Variants in CCDC186 observed in about 807,000 individuals in gnomAD.
The protein encoded by CCDC186 is coiled-coil domain containing 186.
CCDC186 carries 49 observed loss-of-function variants against 113.7 expected under a neutral mutation model. The ratio of observed to expected loss-of-function variants is 0.43; its 90% CI spans 0.34 to 0.55. The LOEUF (loss-of-function observed/expected upper bound fraction) is 0.55, where lower values mean the gene tolerates loss of function less well. Among genes scored for constraint, CCDC186 ranks in the 20% least tolerant of loss-of-function variants. CCDC186 has a pLI of 0.02. For synonymous variants in CCDC186, 355 were observed against 345.8 expected (o/e 1.03, Z -0.30); for missense variants, 890 against 1,011.1 (o/e 0.88, Z 1.62).
At chr10:114,129,146 CAAAACAAAAACATA>C (rs2031005365) in intron 13 of CCDC186, among the ~76,000 whole-genome samples, 1 of 151,838 alleles carries the variant, frequency 6.6e-6, no homozygotes, top group Admixed American at 6.6e-5. Flanking sequence ...ATACAAAAAA[CAAAACAAAAACATA>C]AAAACAAAAA....
At chr10:114,144,370 T>C (rs1049505021) in intron 6 of CCDC186, 127 bp downstream of exon 6, 9 of 1,150,974 alleles carry the variant, frequency 7.8e-6, no homozygotes, top group African/African-American at 1.6e-5. Context: ...TTAACTGTTA[T>C]TGCATTTGCT....
Position 114,145,711 on chromosome 10 carries a change from C to A in CCDC186, c.939G>T (p.Met313Ile). 1 of 1,607,280 alleles carries A rather than the reference C, an allele frequency of 6.2e-7. No homozygotes were observed. Among genetic ancestry groups the A allele is most frequent in the Non-Finnish European group, 8.5e-7 (1 of 1,178,570 alleles). The change falls in exon 5 of 16, where the codon ATG becomes ATT. Residue 313 changes from methionine to isoleucine, a missense_variant. Transcript: ENST00000369287. ...EARQEKEAMV[M>I]KYVRGEKESL... The stretch of plus-strand genomic sequence containing the variant: ...ATTCCTTCTCACCTCTTACATATTT[C>A]ATTACCATTGCTTCTTTTTCTTGGC...
At chr10:114,162,594 C>T in intron 2 of CCDC186, 43 bp downstream of exon 2, 1 of 1,362,194 alleles carries the variant, frequency 7.3e-7, no homozygotes, top group Non-Finnish European at 9.8e-7. Flanking sequence ...AATCCCTGTG[C>T]CTGTGAGGGA....
chr10:114,128,388 G>A (rs545146529), intron 13 of CCDC186, among the ~76,000 whole-genome samples: 4 of 152,200 alleles, frequency 2.6e-5, no homozygotes, highest in African/African-American at 9.6e-5. Context: ...GGCAGAGCTG[G>A]GATCTAAATA....
At chr10:114,167,742 T>G (rs2032377142) in intron 1 of CCDC186, among the ~76,000 whole-genome samples, 1 of 149,146 alleles carries the variant, frequency 6.7e-6, no homozygotes, top group Admixed American at 6.8e-5. Context: ...GTGGAAGGAT[T>G]TATTGCGCCC....
In CCDC186 at chr10:114,154,273, G is replaced by A. The variant is rs531362873; in HGVS notation, c.760-3053C>T. On this transcript the variant is annotated intron_variant, in intron 3 of 15. Coordinates refer to ENST00000369287, the MANE Select transcript of CCDC186 (RefSeq NM_018017.4). Reference sequence around the variant, plus strand: ...AGACAACAAACAAAACCAAAAACTGGTTCTCTGAAAAGATGAAGAAAACTG... The same window carrying A: ...AGACAACAAACAAAACCAAAAACTGATTCTCTGAAAAGATGAAGAAAACTG... Among the ~76,000 whole-genome samples, 596 of 150,536 alleles carry A rather than the reference G, an allele frequency of 4.0e-3. 3 individuals are homozygous for A. The highest frequency in any genetic ancestry group is 0.014 in the African/African-American group (572 of 41,236).
intron 6 of CCDC186, 89 bp downstream of exon 6, chr10:114,144,408 C>T (rs570379434): frequency 1.6e-5 from 23 of 1,448,916 alleles, no homozygotes; most frequent in South Asian, 6.9e-5. Context: ...TCTGAAAGAG[C>T]GAGACTCCGT....
At chr10:114,156,692 A>T (rs2032020885) in intron 3 of CCDC186, among the ~76,000 whole-genome samples, 1 of 152,220 alleles carries the variant, frequency 6.6e-6, no homozygotes, top group African/African-American at 2.4e-5. Context: ...GTGCCACTGA[A>T]TTCCACCCTG....
At chr10:114,155,379 A>T (rs543673512) in intron 3 of CCDC186, among the ~76,000 whole-genome samples, 1 of 152,332 alleles carries the variant, frequency 6.6e-6, no homozygotes, top group African/African-American at 2.4e-5. Flanking sequence ...GTCACACTTT[A>T]AAAAGTAAAA....
intron 5 of CCDC186, 99 bp downstream of exon 5, chr10:114,145,450 G>A: frequency 9.1e-7 from 1 of 1,102,770 alleles, no homozygotes; most frequent in Admixed American, 3.3e-5. Context: ...ACGTTTGAGT[G>A]TTAACCATGT....
chr10:114,129,934 A>T lies in CCDC186; in HGVS notation c.2139T>A (p.Tyr713Ter). Residue 713 changes from tyrosine to a stop codon, truncating the protein, a stop_gained, in exon 13 of 16, where the codon TAT becomes TAA. Transcript: ENST00000369287. LOFTEE classifies it high-confidence loss of function. ...TTCCCATGCTGCTGACTTCTTTGTCATAGCTTCCACTCTCAACCTGATCTA... is the reference window on the plus strand; with the variant it reads ...TTCCCATGCTGCTGACTTCTTTGTCTTAGCTTCCACTCTCAACCTGATCTA... ...RKLDQVESGSYDKEVSSMGSR... is the reference protein window; with the variant it reads ...RKLDQVESGS 1.2e-6 allele frequency: 2 copies of T among 1,613,750 alleles called. No individual in the cohort carries two copies. The highest frequency in any genetic ancestry group is 1.7e-4 in the Middle Eastern group (1 of 6,060).
intron 3 of CCDC186, among the ~76,000 whole-genome samples, chr10:114,152,809 A>C (rs1439069986): frequency 6.6e-6 from 1 of 152,220 alleles, no homozygotes; most frequent in Non-Finnish European, 1.5e-5. Context: ...TATATAATGC[A>C]AACAGCAATC....
At chr10:114,142,116 G>A (rs113209725) in intron 6 of CCDC186, among the ~76,000 whole-genome samples, 25 of 152,288 alleles carry the variant, frequency 1.6e-4, no homozygotes, top group Admixed American at 1.2e-3. Flanking sequence ...TAATGACTGG[G>A]CCTTCTGAGT....
intron 1 of CCDC186, among the ~76,000 whole-genome samples, chr10:114,169,483 T>C (rs1463885346): frequency 6.6e-6 from 1 of 151,980 alleles, no homozygotes; most frequent in Non-Finnish European, 1.5e-5. Context: ...CCTCAAGCAA[T>C]CCACCAGCCT....
intron 11 of CCDC186, among the ~76,000 whole-genome samples, chr10:114,131,639 T>C (rs1049131004): frequency 6.6e-6 from 1 of 152,162 alleles, no homozygotes; most frequent in Non-Finnish European, 1.5e-5. Flanking sequence ...ATTATAAAAA[T>C]AGAAATTTAA....
intron 7 of CCDC186, among the ~76,000 whole-genome samples, chr10:114,136,504 C>T (rs2031267392): frequency 6.6e-6 from 1 of 151,998 alleles, no homozygotes; most frequent in African/African-American, 2.4e-5. Context: ...CACTTTTTTT[C>T]TAAATAGGAA....
At chr10:114,148,814 T>C (rs755547953) in intron 4 of CCDC186, among the ~76,000 whole-genome samples, 1 of 152,236 alleles carries the variant, frequency 6.6e-6, no homozygotes, top group Admixed American at 6.5e-5. Context: ...CTACACTCTC[T>C]TGTAAGTAGG....
At chr10:114,135,295 A>G (rs188907502) in intron 9 of CCDC186, among the ~76,000 whole-genome samples, 9 of 152,294 alleles carry the variant, frequency 5.9e-5, no homozygotes, top group African/African-American at 1.7e-4. Context: ...GAAAAAGAAT[A>G]TATCTCCTCT....
intron 3 of CCDC186, among the ~76,000 whole-genome samples, chr10:114,153,818 AAATT>A (rs1174250652): frequency 1.9e-4 from 29 of 151,772 alleles, no homozygotes; most frequent in African/African-American, 7.0e-4. Context: ...ACAGGGTATC[AAATT>A]AATAACCTAT....
Sources: gnomAD v4.1 joint callset for allele counts (sites outside exome capture counted in the v4.1 genomes callset) on GRCh38, gnomAD v4.1.1 for gene constraint, MANE v1.5 for transcripts, NCBI Gene and HGNC (gene_info 2026-07-23, HGNC 2026-07-21) for gene names.